The following TENT2 variants were observed in gnomAD, a reference collection of about 807,000 sequenced individuals.
The protein encoded by TENT2 is poly(A) RNA polymerase GLD2.
In TENT2, 44 loss-of-function variants were observed where a neutral mutation model predicts 72.2. The observed-to-expected ratio is 0.61, with a 90% CI of 0.48 to 0.78. The LOEUF is 0.78. Ranked by LOEUF, TENT2 falls within the 30% of genes least tolerant of loss-of-function variation. The pLI, the probability that TENT2 is intolerant of heterozygous loss-of-function variation, is 0.00. For synonymous variants in TENT2, 212 were observed against 192.5 expected, an observed-to-expected ratio of 1.10 and a Z score of -0.84; for missense variants, 541 against 569.6, an observed-to-expected ratio of 0.95 and a Z score of 0.51.
chr5:79,657,827 ATATACT>A (rs1799018176), intron 11 of TENT2, among the ~76,000 whole-genome samples: 1 of 152,196 alleles, frequency 6.6e-6, no homozygotes, highest in Non-Finnish European at 1.5e-5. Context: ...TATTGGTTTC[ATATACT>A]TATAAGAAGA....
Sources: gnomAD v4.1 joint callset for allele counts (sites outside exome capture counted in the v4.1 genomes callset) on GRCh38, gnomAD v4.1.1 for gene constraint, MANE v1.5 for transcripts, NCBI Gene and HGNC (gene_info 2026-07-23, HGNC 2026-07-21) for gene names.